Variants in CLCN4 observed in about 807,000 individuals in gnomAD.
CLCN4 encodes the protein H(+)/Cl(-) exchange transporter 4.
Under a neutral mutation model 41.7 loss-of-function variants are expected in CLCN4, and 1 was observed. The ratio of observed to expected loss-of-function variants is 0.02; its 90% CI spans 0.01 to 0.11. The LOEUF (loss-of-function observed/expected upper bound fraction) is 0.11, where lower values mean the gene tolerates loss of function less well. Among genes scored for constraint, CLCN4 ranks in the 10% least tolerant of loss-of-function variants. The pLI is 1.00. For missense variants in CLCN4, 287 were observed against 661.0 expected, an observed-to-expected ratio of 0.43 and a Z score of 6.20; for synonymous variants, 277 against 285.8, an observed-to-expected ratio of 0.97 and a Z score of 0.31.
intron 4 of CLCN4, among the ~76,000 whole-genome samples, chrX:10,190,541 T>C (rs1430604771): frequency 9.0e-6 from 1 of 111,709 alleles, no homozygotes; most frequent in Non-Finnish European, 1.9e-5. Context: ...AATATTATGG[T>C]TCTTGCGTGC....
At chrX:10,196,861 A>T (rs1257454585) in intron 5 of CLCN4, among the ~76,000 whole-genome samples, 1 of 112,318 alleles carries the variant, frequency 8.9e-6, no homozygotes, top group Non-Finnish European at 1.9e-5. Context: ...TTATACTTTG[A>T]TTCGAAGAAT....
At chrX:10,208,950 C>G (rs1262815908) in intron 9 of CLCN4, among the ~76,000 whole-genome samples, 1 of 111,507 alleles carries the variant, frequency 9.0e-6, no homozygotes, top group Non-Finnish European at 1.9e-5. Flanking sequence ...CAGGTGATGC[C>G]AGGTGGTGGA....
chrX:10,209,656 C>T, intron 9 of CLCN4, among the ~76,000 whole-genome samples: 1 of 111,666 alleles, frequency 9.0e-6, no homozygotes, highest in Non-Finnish European at 1.9e-5. Context: ...AGCCACCACA[C>T]CACACCCAAC....
At chrX:10,188,799 G>A (rs979883828) in intron 4 of CLCN4, among the ~76,000 whole-genome samples, 52 of 112,066 alleles carry the variant, frequency 4.6e-4, no homozygotes, top group African/African-American at 1.6e-3. Flanking sequence ...GTGATTCCAG[G>A]GGCTTTCAGT....
intron 6 of CLCN4, among the ~76,000 whole-genome samples, chrX:10,203,322 G>A (rs1924290055): frequency 9.0e-6 from 1 of 111,533 alleles, no homozygotes; most frequent in Admixed American, 9.5e-5. Flanking sequence ...CCAGAGCACG[G>A]GCTCAATTAA....
At chrX:10,215,508 G>A (rs1038982583) in intron 11 of CLCN4, among the ~76,000 whole-genome samples, 2 of 111,804 alleles carry the variant, frequency 1.8e-5, no homozygotes, top group African/African-American at 3.3e-5. Flanking sequence ...GTAGGTAGGT[G>A]CCTTTGTGTA....
chrX:10,180,786 AAAAAAAAAG>A (rs1398952259), intron 2 of CLCN4, among the ~76,000 whole-genome samples: 4 of 104,894 alleles, frequency 3.8e-5, no homozygotes, highest in African/African-American at 1.1e-4. Flanking sequence ...AAAAAAAAAA[AAAAAAAAAG>A]AAAGAAAGAA....
chrX:10,173,516 TCTC>T (rs950501264), intron 2 of CLCN4, among the ~76,000 whole-genome samples: 1 of 110,937 alleles, frequency 9.0e-6, no homozygotes, highest in African/African-American at 3.3e-5. Context: ...CTTCTGGAAT[TCTC>T]CTTCCCCAGC....
At chrX:10,217,736 T>C (rs1011450993) in intron 11 of CLCN4, among the ~76,000 whole-genome samples, 4 of 96,204 alleles carry the variant, frequency 4.2e-5, no homozygotes, top group African/African-American at 1.6e-4. Flanking sequence ...TCATAAAATA[T>C]ACATTCCTTC....
intron 5 of CLCN4, 54 bp from the exon 6 acceptor site, chrX:10,197,885 G>A (rs936124148): frequency 8.4e-7 from 1 of 1,193,941 alleles, no homozygotes; most frequent in Non-Finnish European, 1.1e-6. Flanking sequence ...TGAGTCTGTT[G>A]CTCAGGTCAG....
intron 2 of CLCN4, among the ~76,000 whole-genome samples, chrX:10,164,367 C>T (rs1046827410): frequency 4.5e-5 from 5 of 111,345 alleles, no homozygotes; most frequent in East Asian, 2.8e-4. Context: ...CTCAGAGGGG[C>T]GCAGGGGGCA....
intron 2 of CLCN4, among the ~76,000 whole-genome samples, chrX:10,161,668 G>C (rs1736680372): frequency 9.0e-6 from 1 of 110,961 alleles, no homozygotes; most frequent in Non-Finnish European, 1.9e-5. Flanking sequence ...GCAGCCCCTC[G>C]GACAGATGCA....
At chrX:10,201,869 A>T (rs2147175818) in intron 6 of CLCN4, among the ~76,000 whole-genome samples, 1 of 112,221 alleles carries the variant, frequency 8.9e-6, no homozygotes, top group East Asian at 2.8e-4. Flanking sequence ...GCTACTTAGG[A>T]GGCTGAGGTG....
chrX:10,214,266 T>C (rs1342809461), intron 11 of CLCN4, among the ~76,000 whole-genome samples, 187 bp downstream of exon 11: 1 of 112,523 alleles, frequency 8.9e-6, no homozygotes, highest in Non-Finnish European at 1.9e-5. Flanking sequence ...TTGGGTGGGA[T>C]CCGATACTAC....
At chrX:10,229,349 T>G (rs1925065026) in intron 12 of CLCN4, among the ~76,000 whole-genome samples, 1 of 109,772 alleles carries the variant, frequency 9.1e-6, no homozygotes, top group Non-Finnish European at 1.9e-5. Flanking sequence ...GGGTACATAG[T>G]AGATGTGTAT....
chrX:10,187,676 G>C (rs1923849313), intron 4 of CLCN4, 62 bp downstream of exon 4: 10 of 869,744 alleles, frequency 1.1e-5, no homozygotes, highest in Admixed American at 8.9e-5. Flanking sequence ...CTCAAAACAC[G>C]AACCCTCTGG....
intron 5 of CLCN4, 87 bp from the exon 6 acceptor site, chrX:10,197,852 T>C: frequency 8.9e-7 from 1 of 1,120,560 alleles, no homozygotes. Context: ...AAGCTTTTGT[T>C]GTCAAGACAG....
In CLCN4 at chrX:10,191,692, A is replaced by ATTTTTTTTTTTTTTTT. The variant is rs760315418; in HGVS notation, c.245-3206_245-3191dup. Among the ~76,000 whole-genome samples the ATTTTTTTTTTTTTTTT allele has an allele frequency of 4.4e-4, 22 of 49,770 alleles. 1 individual carries two copies. The highest frequency in any genetic ancestry group is 1.9e-3 in the African/African-American group (21 of 10,846). 43.2% of individuals were successfully genotyped at this position (49,770 alleles called of 115,157 possible). A position where few individuals can be genotyped will look rare whatever the true frequency, so the allele number is the denominator to read the frequency against. ...AGGCGCGTGCCACCATATCTGGTTA[A>ATTTTTTTTTTTTTTTT]TTTTTTTTTTTTTTTTTTTTTTTTT... is the stretch of plus-strand genomic sequence containing the variant. On this transcript the variant is annotated intron_variant, in intron 4 of 12. Coordinates refer to ENST00000380833, the MANE Select transcript of CLCN4 (RefSeq NM_001830.4).
intron 6 of CLCN4, among the ~76,000 whole-genome samples, chrX:10,201,949 G>A (rs1462029778): frequency 9.0e-6 from 1 of 110,986 alleles, no homozygotes; most frequent in Non-Finnish European, 1.9e-5. Flanking sequence ...CTCCAGCCCG[G>A]ACAACAGAGC....
Sources: gnomAD v4.1 joint callset for allele counts (sites outside exome capture counted in the v4.1 genomes callset) on GRCh38, gnomAD v4.1.1 for gene constraint, MANE v1.5 for transcripts, NCBI Gene and HGNC (gene_info 2026-07-23, HGNC 2026-07-21) for gene names.